Variants in MAGI2 observed in about 807,000 individuals in gnomAD.
MAGI2 encodes membrane associated guanylate kinase, WW and PDZ domain containing 2, also known as membrane-associated guanylate kinase, WW and PDZ domain-containing protein 2.
MAGI2 carries 35 observed loss-of-function variants against 133.3 expected under a neutral mutation model. That is an observed-to-expected ratio of 0.26 (90% CI 0.20 to 0.35). The LOEUF is 0.35. MAGI2 is among the 10% of genes least tolerant of loss of function. The pLI is 1.00. For synonymous variants in MAGI2, 729 were observed against 710.6 expected (o/e 1.03, Z -0.41); for missense variants, 1,636 against 1,863.4 (o/e 0.88, Z 2.25).
intron 1 of MAGI2, among the ~76,000 whole-genome samples, chr7:79,060,413 T>C (rs556121902): frequency 6.6e-6 from 1 of 152,196 alleles, no homozygotes; most frequent in East Asian, 1.9e-4. Context: ...CCTCTAAGTA[T>C]TGGAATATGG....
chr7:78,242,211 C>G (rs544935486), intron 10 of MAGI2, among the ~76,000 whole-genome samples: 13 of 152,164 alleles, frequency 8.5e-5, no homozygotes, highest in Non-Finnish European at 1.6e-4. Flanking sequence ...GGGCTGGCTC[C>G]TAAAGCCTCT....
At chr7:78,229,411 C>G (rs1789727793) in intron 10 of MAGI2, among the ~76,000 whole-genome samples, 1 of 152,224 alleles carries the variant, frequency 6.6e-6, no homozygotes, top group African/African-American at 2.4e-5. Flanking sequence ...GCTGGGCTGC[C>G]TCCCAACACC....
chr7:79,024,180 C>T (rs1054081118), intron 1 of MAGI2, among the ~76,000 whole-genome samples: 1 of 152,006 alleles, frequency 6.6e-6, no homozygotes, highest in Non-Finnish European at 1.5e-5. Context: ...AATAATTCCC[C>T]ACACCTACAA....
At position 78,671,794 on chromosome 7, in the gene MAGI2, C is replaced by G. The variant is rs148688253; in HGVS notation, c.419-44555G>C. ...AGTCATTAGATTTTCTTTACCAAGT[C>G]TGTGATTATTTAAAACCAAATCATG... On this transcript the variant is annotated intron_variant, in intron 2 of 21. Coordinates refer to ENST00000354212, the MANE Select transcript of MAGI2 (RefSeq NM_012301.4). 3.3e-3 allele frequency among the ~76,000 whole-genome samples: 499 copies of G among 152,220 alleles called. 6 individuals carry two copies. Among genetic ancestry groups the G allele is most frequent in the East Asian group, 0.024 (122 of 5,170 alleles).
intron 2 of MAGI2, among the ~76,000 whole-genome samples, chr7:78,894,356 C>T (rs1226975284): frequency 1.3e-5 from 2 of 152,042 alleles, no homozygotes; most frequent in Non-Finnish European, 1.5e-5. Context: ...GAGCGGAGAT[C>T]GCACATGGGC....
At chr7:78,592,954 C>T (rs1804189787) in intron 3 of MAGI2, among the ~76,000 whole-genome samples, 1 of 149,988 alleles carries the variant, frequency 6.7e-6, no homozygotes, top group African/African-American at 2.5e-5. Flanking sequence ...GCAGCCTCAG[C>T]CTTGCGAGTA....
At chr7:79,410,202 T>C (rs937560010) in intron 1 of MAGI2, 2 of 152,104 alleles carry the variant, frequency 1.3e-5, no homozygotes, top group African/African-American at 4.8e-5. Flanking sequence ...AAATTTAGTG[T>C]TCATTTAAAT....
At chr7:78,802,102 C>T (rs1275354506) in intron 2 of MAGI2, among the ~76,000 whole-genome samples, 1 of 152,292 alleles carries the variant, frequency 6.6e-6, no homozygotes, top group East Asian at 1.9e-4. Flanking sequence ...TCCTCTGGAA[C>T]GCTCTTTTCT....
At chr7:79,120,086 A>G (rs1478937915) in intron 1 of MAGI2, among the ~76,000 whole-genome samples, 2 of 152,128 alleles carry the variant, frequency 1.3e-5, no homozygotes, top group African/African-American at 2.4e-5. Context: ...ACAGGTGCAT[A>G]GAAGAGAAAA....
chr7:79,220,105 G>A (rs1293784578), intron 1 of MAGI2, among the ~76,000 whole-genome samples: 1 of 152,010 alleles, frequency 6.6e-6, no homozygotes, highest in Non-Finnish European at 1.5e-5. Flanking sequence ...GGAGAATTCA[G>A]TGGCACTCCC....
chr7:78,886,220 C>T (rs1203119305), intron 2 of MAGI2, among the ~76,000 whole-genome samples: 1 of 152,150 alleles, frequency 6.6e-6, no homozygotes, highest in Non-Finnish European at 1.5e-5. Context: ...AGCAATTAGG[C>T]AGGTGAGGTT....
At chr7:78,779,926 C>G (rs1250746326) in intron 2 of MAGI2, among the ~76,000 whole-genome samples, 1 of 152,166 alleles carries the variant, frequency 6.6e-6, no homozygotes, top group African/African-American at 2.4e-5. Flanking sequence ...AGGGACAGAA[C>G]AGGGATTAAC....
intron 9 of MAGI2, among the ~76,000 whole-genome samples, chr7:78,288,199 A>G (rs1796341505): frequency 6.6e-6 from 1 of 152,174 alleles, no homozygotes; most frequent in African/African-American, 2.4e-5. Flanking sequence ...AATAATTTTA[A>G]CGGAATTCTT....
Position 78,976,750 on chromosome 7 carries a change from A to T in MAGI2, c.418+30340T>A, listed in dbSNP as rs527393520. On this transcript the variant is annotated intron_variant, in intron 2 of 21. Transcript: ENST00000354212. Reference sequence around the variant, plus strand: ...AAAAACAAAATAAATAACCAAGTATAGCAAGGTTGCAGGATTAATGGTCAA... The same window carrying T: ...AAAAACAAAATAAATAACCAAGTATTGCAAGGTTGCAGGATTAATGGTCAA... 1.0e-3 allele frequency among the ~76,000 whole-genome samples: 156 copies of T among 151,626 alleles called. 1 individual carries two copies. Among genetic ancestry groups the T allele is most frequent in the African/African-American group, 3.6e-3 (151 of 41,524 alleles).
chr7:78,739,523 G>A (rs1822190445), intron 2 of MAGI2, among the ~76,000 whole-genome samples: 1 of 152,100 alleles, frequency 6.6e-6, no homozygotes, highest in Non-Finnish European at 1.5e-5. Context: ...CAACAGAGAA[G>A]TCATAAGTTG....
At chr7:78,093,453 CA>C (rs936510612) in intron 20 of MAGI2, among the ~76,000 whole-genome samples, 91 of 141,598 alleles carry the variant, frequency 6.4e-4, no homozygotes, top group East Asian at 1.0e-3. Context: ...GACTCCTTCT[CA>C]AAAAAAAAAA....
At chr7:78,593,480 T>C (rs1804263342) in intron 3 of MAGI2, among the ~76,000 whole-genome samples, 1 of 152,126 alleles carries the variant, frequency 6.6e-6, no homozygotes, top group Admixed American at 6.5e-5. Context: ...CTGGTGGCAG[T>C]AGTGGACCAG....
intron 2 of MAGI2, among the ~76,000 whole-genome samples, chr7:78,807,895 G>T (rs191208109): frequency 4.9e-4 from 74 of 152,186 alleles, no homozygotes; most frequent in Admixed American, 3.7e-3. Context: ...AGAAACTTAG[G>T]CTTAGAAGTA....
intron 3 of MAGI2, among the ~76,000 whole-genome samples, chr7:78,524,921 G>A (rs1489101469): frequency 6.6e-6 from 1 of 151,016 alleles, no homozygotes; most frequent in Non-Finnish European, 1.5e-5. Context: ...TTAATACATA[G>A]TACTAAGCAA....
Sources: allele counts gnomAD v4.1 joint callset (sites outside exome capture counted in the v4.1 genomes callset), GRCh38; gene constraint gnomAD v4.1.1; transcripts MANE v1.5; gene names NCBI Gene and HGNC (gene_info 2026-07-23, HGNC 2026-07-21).